Variants in ARHGAP24 observed in about 807,000 individuals in gnomAD.
ARHGAP24 encodes rho GTPase-activating protein 24.
A neutral mutation model predicts 76.4 loss-of-function variants in ARHGAP24; 50 were observed. The observed-to-expected ratio is 0.65, with a 90% CI of 0.52 to 0.83. The LOEUF (loss-of-function observed/expected upper bound fraction) is 0.83, where lower values mean the gene tolerates loss of function less well. Among genes scored for constraint, ARHGAP24 ranks in the 40% least tolerant of loss-of-function variants. The pLI is 0.00. For missense variants in ARHGAP24, 930 were observed against 914.2 expected, an observed-to-expected ratio of 1.02 and a Z score of -0.22; for synonymous variants, 345 against 323.3, an observed-to-expected ratio of 1.07 and a Z score of -0.72.
At chr4:85,516,821 T>C (rs948480869) in intron 1 of ARHGAP24, among the ~76,000 whole-genome samples, 2 of 152,172 alleles carry the variant, frequency 1.3e-5, no homozygotes, top group Non-Finnish European at 2.9e-5. Flanking sequence ...AATTGATTGG[T>C]CTTTCCTTGG....
chr4:85,862,996 G>T (rs1411240950), intron 3 of ARHGAP24, among the ~76,000 whole-genome samples: 2 of 152,092 alleles, frequency 1.3e-5, no homozygotes, highest in Non-Finnish European at 2.9e-5. Context: ...AAGTAAATAA[G>T]CAAACATAAA....
At chr4:85,953,931 A>T (rs1410775255) in intron 5 of ARHGAP24, among the ~76,000 whole-genome samples, 4 of 152,176 alleles carry the variant, frequency 2.6e-5, no homozygotes. Flanking sequence ...GGGGCCAGTG[A>T]GGCAACAGAG....
chr4:85,721,838 T>C (rs1253729370), intron 2 of ARHGAP24, 47 bp from the exon 3 acceptor site: 1 of 1,472,622 alleles, frequency 6.8e-7, no homozygotes, highest in African/African-American at 1.4e-5. Flanking sequence ...TGATATATGA[T>C]GTTTGCTCTC....
At chr4:85,584,855 A>G (rs1339148097) in intron 2 of ARHGAP24, among the ~76,000 whole-genome samples, 2 of 152,146 alleles carry the variant, frequency 1.3e-5, no homozygotes, top group Admixed American at 6.6e-5. Flanking sequence ...CTTTGAAATC[A>G]TGACAATTTA....
intron 1 of ARHGAP24, among the ~76,000 whole-genome samples, chr4:85,485,372 A>AT (rs1722996774): frequency 2.0e-5 from 1 of 51,188 alleles, no homozygotes; most frequent in Non-Finnish European, 3.3e-5. Context: ...AAAAAAAAAA[A>AT]AAAAATATAT....
At position 85,596,171 on chromosome 4, in the gene ARHGAP24, C is replaced by T. The variant is rs1341785317; in HGVS notation, c.180+25450C>T. Among the ~76,000 whole-genome samples the T allele has an allele frequency of 4.6e-5, 7 of 151,830 alleles. No individual in the cohort carries two copies. The Admixed American group carries it at 4.6e-4, about 10-fold the overall frequency. On this transcript the variant is annotated intron_variant, in intron 2 of 9. Coordinates refer to ENST00000395184, the MANE Select transcript of ARHGAP24 (RefSeq NM_001025616.3). ...TATGATGAGTAGAAACCAAATAATG[C>T]TTGGAAATGTGCTTTAGTTTTCTTT...
At chr4:85,794,793 T>A (rs1728278328) in intron 3 of ARHGAP24, among the ~76,000 whole-genome samples, 1 of 152,234 alleles carries the variant, frequency 6.6e-6, no homozygotes, top group Non-Finnish European at 1.5e-5. Flanking sequence ...CAAATCCTTT[T>A]ATTTAAACAT....
chr4:85,808,711 C>T (rs1302773765), intron 3 of ARHGAP24, among the ~76,000 whole-genome samples: 1 of 152,196 alleles, frequency 6.6e-6, no homozygotes, highest in Non-Finnish European at 1.5e-5. Flanking sequence ...AGCTCCTTCT[C>T]AGTCCTGTTT....
At chr4:85,611,486 T>C (rs1047710832) in intron 2 of ARHGAP24, among the ~76,000 whole-genome samples, 1 of 152,214 alleles carries the variant, frequency 6.6e-6, no homozygotes, top group Admixed American at 6.5e-5. Context: ...GTGTCTGAAT[T>C]TTTTAGGGAT....
intron 2 of ARHGAP24, among the ~76,000 whole-genome samples, chr4:85,654,860 A>G (rs1722083304): frequency 1.3e-5 from 2 of 152,298 alleles, no homozygotes; most frequent in African/African-American, 2.4e-5. Context: ...TGTACTTTGT[A>G]TGCTTCTTAG....
At chr4:85,906,701 C>G (rs138435926) in intron 3 of ARHGAP24, among the ~76,000 whole-genome samples, 1 of 152,200 alleles carries the variant, frequency 6.6e-6, no homozygotes, top group East Asian at 1.9e-4. Context: ...TTCATCATTA[C>G]TAGCTTTTAA....
At chr4:85,785,930 T>C (rs999351038) in intron 3 of ARHGAP24, among the ~76,000 whole-genome samples, 11 of 152,164 alleles carry the variant, frequency 7.2e-5, no homozygotes, top group African/African-American at 2.7e-4. Context: ...GTATGGGTTT[T>C]TGGAAGGCTG....
intron 3 of ARHGAP24, chr4:85,828,037 T>C (rs1729806365): frequency 3.3e-6 from 4 of 1,214,420 alleles, no homozygotes; most frequent in Non-Finnish European, 3.3e-6. Flanking sequence ...TTGTTGATTG[T>C]GTTTAATAAT....
intron 1 of ARHGAP24, among the ~76,000 whole-genome samples, chr4:85,538,326 CGTA>C (rs1560524510): frequency 1.3e-5 from 2 of 151,958 alleles, no homozygotes. Flanking sequence ...TTGAGTACAC[CGTA>C]GTTATATGTT....
rs140011414 is a variant in ARHGAP24 at position 85,489,237 on chromosome 4, C to G, written c.-21+13678C>G. ...AATAACGGGTTAATCTCTTTAAGCA[C>G]TGCCTTGACCAGTCAAATAATCACT... is the stretch of plus-strand genomic sequence containing the variant. On this transcript the variant is annotated intron_variant, in intron 1 of 9. Transcript: ENST00000395184. Among the ~76,000 whole-genome samples, 1,110 of 152,292 alleles carry G rather than the reference C, an allele frequency of 7.3e-3. 14 individuals are homozygous for G. The highest frequency in any genetic ancestry group is 0.025 in the African/African-American group (1,051 of 41,560).
chr4:85,895,744 A>G (rs918957261), intron 3 of ARHGAP24, among the ~76,000 whole-genome samples: 1 of 152,118 alleles, frequency 6.6e-6, no homozygotes, highest in African/African-American at 2.4e-5. Flanking sequence ...TTTTGTGAGA[A>G]TTTTACACTA....
chr4:85,614,205 T>C (rs1475056216), intron 2 of ARHGAP24, among the ~76,000 whole-genome samples: 7 of 152,168 alleles, frequency 4.6e-5, no homozygotes, highest in African/African-American at 1.7e-4. Flanking sequence ...AAATGTCTTC[T>C]TTATTCTCCT....
intron 3 of ARHGAP24, among the ~76,000 whole-genome samples, chr4:85,879,649 C>T (rs753490162): frequency 4.2e-4 from 63 of 151,460 alleles, no homozygotes; most frequent in Non-Finnish European, 7.7e-4. Flanking sequence ...GTGGAGGATA[C>T]CTTTTAAACC....
At chr4:85,681,218 T>C (rs970450065) in intron 2 of ARHGAP24, among the ~76,000 whole-genome samples, 4 of 152,170 alleles carry the variant, frequency 2.6e-5, no homozygotes, top group Non-Finnish European at 5.9e-5. Context: ...AATTGTCTAT[T>C]GCATTATAAG....
Sources: gnomAD v4.1 joint callset for allele counts (sites outside exome capture counted in the v4.1 genomes callset) on GRCh38, gnomAD v4.1.1 for gene constraint, MANE v1.5 for transcripts, NCBI Gene and HGNC (gene_info 2026-07-23, HGNC 2026-07-21) for gene names.